The following SIPA1L3 variants were observed in gnomAD, a reference collection of about 807,000 sequenced individuals.
The protein encoded by SIPA1L3 is signal induced proliferation associated 1 like 3.
Under a neutral mutation model 150.1 loss-of-function variants are expected in SIPA1L3, and 59 were observed. The observed-to-expected ratio is 0.39, with a 90% CI of 0.32 to 0.49. The LOEUF (loss-of-function observed/expected upper bound fraction) is 0.49. Among genes scored for constraint, SIPA1L3 ranks in the 20% least tolerant of loss-of-function variants. The pLI, the probability that SIPA1L3 is intolerant of heterozygous loss-of-function variation, is 0.86. For missense variants in SIPA1L3, 2,211 were observed against 2,489.5 expected, an observed-to-expected ratio of 0.89 and a Z score of 2.38; for synonymous variants, 1,070 against 1,077.6, an observed-to-expected ratio of 0.99 and a Z score of 0.14.
chr19:38,011,117 C>T (rs536935602), intron 1 of SIPA1L3, among the ~76,000 whole-genome samples: 2 of 152,232 alleles, frequency 1.3e-5, no homozygotes, highest in African/African-American at 4.8e-5. Context: ...TCTAGGTATC[C>T]ATTGTGAACA....
At chr19:38,016,240 A>G (rs1242223823) in intron 1 of SIPA1L3, among the ~76,000 whole-genome samples, 1 of 152,256 alleles carries the variant, frequency 6.6e-6, no homozygotes, top group African/African-American at 2.4e-5. Context: ...AATTGGAGAT[A>G]GGGTTCTGTT....
chr19:38,138,779 T>TTTA (rs1555791016), intron 10 of SIPA1L3, among the ~76,000 whole-genome samples: 1 of 150,818 alleles, frequency 6.6e-6, no homozygotes, highest in Admixed American at 6.7e-5. Flanking sequence ...ATGCCTGTAA[T>TTTA]CCCAGCTACT....
At chr19:37,922,548 C>T (rs1040531583) in intron 1 of SIPA1L3, among the ~76,000 whole-genome samples, 8 of 151,856 alleles carry the variant, frequency 5.3e-5, no homozygotes, top group South Asian at 2.1e-4. Context: ...TACCCGCCAC[C>T]GCACCCGGCT....
intron 1 of SIPA1L3, among the ~76,000 whole-genome samples, chr19:37,945,237 G>A (rs2046699519): frequency 1.3e-5 from 2 of 151,562 alleles, no homozygotes; most frequent in Admixed American, 1.3e-4. Flanking sequence ...CATGTCTTAG[G>A]TTGTTTTTTT....
intron 12 of SIPA1L3, among the ~76,000 whole-genome samples, chr19:38,148,113 G>T (rs1015113097): frequency 2.0e-5 from 3 of 152,120 alleles, no homozygotes; most frequent in Admixed American, 6.6e-5. Context: ...AGCACTTTGG[G>T]AGGCTGAGGC....
intron 1 of SIPA1L3, among the ~76,000 whole-genome samples, chr19:37,996,867 T>C (rs572655073): frequency 6.7e-4 from 102 of 152,136 alleles, no homozygotes; most frequent in African/African-American, 2.4e-3. Flanking sequence ...CAGCTAATTT[T>C]TGTATTTTTA....
At chr19:38,039,414 T>TC (rs1968862251) in intron 2 of SIPA1L3, among the ~76,000 whole-genome samples, 1 of 134,626 alleles carries the variant, frequency 7.4e-6, no homozygotes, top group Non-Finnish European at 1.6e-5. Context: ...GGGGTGGGGG[T>TC]CGGGCATGGT....
chr19:38,069,059 A>T (rs1266048397), intron 2 of SIPA1L3, among the ~76,000 whole-genome samples: 1 of 152,206 alleles, frequency 6.6e-6, no homozygotes, highest in Non-Finnish European at 1.5e-5. Context: ...CAAATATGTT[A>T]GATCCCAGTC....
chr19:38,190,943 T>C (rs1972791702), intron 16 of SIPA1L3, among the ~76,000 whole-genome samples: 1 of 152,228 alleles, frequency 6.6e-6, no homozygotes, highest in Non-Finnish European at 1.5e-5. Flanking sequence ...CAGTCAAGCT[T>C]GGCAGTGGCG....
chr19:38,057,352 G>GTA (rs1568524758), intron 2 of SIPA1L3, among the ~76,000 whole-genome samples: 1 of 150,156 alleles, frequency 6.7e-6, no homozygotes, highest in Non-Finnish European at 1.5e-5. Flanking sequence ...ATATATATAC[G>GTA]TATATATATG....
At chr19:38,000,476 CAAAAAAAAAA>C (rs931671031) in intron 1 of SIPA1L3, among the ~76,000 whole-genome samples, 99 of 44,050 alleles carry the variant, frequency 2.2e-3, no homozygotes, top group Middle Eastern at 0.024. Flanking sequence ...GACTCTGTCT[CAAAAAAAAAA>C]AAAAAAAAAA....
At chr19:37,923,982 C>T (rs557115918) in intron 1 of SIPA1L3, among the ~76,000 whole-genome samples, 113 of 152,070 alleles carry the variant, frequency 7.4e-4, no homozygotes, top group Non-Finnish European at 1.4e-3. Flanking sequence ...ACCATGTTGG[C>T]CAGGCTGGTC....
At chr19:38,165,607 G>A (rs1003930530) in intron 15 of SIPA1L3, among the ~76,000 whole-genome samples, 4 of 152,212 alleles carry the variant, frequency 2.6e-5, no homozygotes, top group Admixed American at 2.6e-4. Context: ...CTACAAGGAG[G>A]TCTGGAAAGT....
At chr19:38,069,816 C>T (rs905892813) in intron 2 of SIPA1L3, among the ~76,000 whole-genome samples, 1 of 150,792 alleles carries the variant, frequency 6.6e-6, no homozygotes, top group African/African-American at 2.5e-5. Flanking sequence ...AGGCACGCGC[C>T]ACTATACCTG....
chr19:38,198,339 C>G, intron 18 of SIPA1L3, 50 bp from the exon 19 acceptor site: 2 of 1,453,588 alleles, frequency 1.4e-6, no homozygotes, highest in Non-Finnish European at 1.8e-6. Context: ...GTATTTGTGT[C>G]TCCCGCATTG....
At chr19:38,109,824 T>C (rs1398287510) in intron 7 of SIPA1L3, 1 of 179,598 alleles carries the variant, frequency 5.6e-6, no homozygotes, top group African/African-American at 2.3e-5. Flanking sequence ...CAATAAGTGT[T>C]AAGTAATGGG....
chr19:38,198,309 A>G (rs1973010369), intron 18 of SIPA1L3, 80 bp from the exon 19 acceptor site: 3 of 1,386,518 alleles, frequency 2.2e-6, no homozygotes, highest in Non-Finnish European at 2.9e-6. Context: ...ATCTCTGCAT[A>G]AGCAATGGGA....
At chr19:38,076,178 TAAATAA>T (rs1969833986) in intron 2 of SIPA1L3, among the ~76,000 whole-genome samples, 1 of 151,836 alleles carries the variant, frequency 6.6e-6, no homozygotes, top group Non-Finnish European at 1.5e-5. Flanking sequence ...AATACATAAA[TAAATAA>T]AAATAAAATG....
chr19:38,119,014 G>A (rs1469645133), intron 8 of SIPA1L3, among the ~76,000 whole-genome samples: 2 of 152,066 alleles, frequency 1.3e-5, no homozygotes, highest in African/African-American at 4.8e-5. Context: ...GGGCAACATA[G>A]TGAGACCTCG....
Sources: gnomAD v4.1 joint callset for allele counts (sites outside exome capture counted in the v4.1 genomes callset) on GRCh38, gnomAD v4.1.1 for gene constraint, MANE v1.5 for transcripts, NCBI Gene and HGNC (gene_info 2026-07-23, HGNC 2026-07-21) for gene names.